The following SNX9 variants were observed in gnomAD, a reference collection of about 807,000 sequenced individuals.
SNX9 encodes sorting nexin 9.
A neutral mutation model predicts 89.4 loss-of-function variants in SNX9; 44 were observed. The ratio of observed to expected loss-of-function variants is 0.49; its 90% CI spans 0.39 to 0.63. The LOEUF (loss-of-function observed/expected upper bound fraction) is 0.63, where lower values mean the gene tolerates loss of function less well. Ranked by LOEUF, SNX9 falls within the 30% of genes least tolerant of loss-of-function variation. The probability of loss-of-function intolerance (pLI) is 0.00; values close to 1 mark genes in which losing one functional copy is unlikely to be tolerated. For missense variants in SNX9, 578 were observed against 736.1 expected (o/e 0.79, Z 2.49); for synonymous variants, 236 against 247.8 (o/e 0.95, Z 0.45).
intron 4 of SNX9, among the ~76,000 whole-genome samples, chr6:157,890,655 A>G (rs1352090867): frequency 5.3e-5 from 8 of 152,162 alleles, no homozygotes; most frequent in Admixed American, 5.2e-4. Context: ...TACTTAATTT[A>G]CAAAGCGTTT....
intron 4 of SNX9, among the ~76,000 whole-genome samples, chr6:157,891,345 G>A (rs551162376): frequency 7.8e-4 from 119 of 152,056 alleles, no homozygotes; most frequent in African/African-American, 2.7e-3. Context: ...CATTTTTTCT[G>A]TAGTCACATG....
rs757277859 is a variant in SNX9, at chr6:157,901,763, A to G, written c.473-135A>G. On this transcript the variant is annotated intron_variant, in intron 5 of 17. Coordinates refer to ENST00000392185, the MANE Select transcript of SNX9 (RefSeq NM_016224.5). The stretch of plus-strand genomic sequence containing the variant: ...CTCTTAACATCCATATTATACTCCT[A>G]TACTATACCCTTTTCTCCATCAAAA... 218 of 961,470 alleles carry G rather than the reference A, an allele frequency of 2.3e-4. 1 individual carries two copies. The highest frequency in any genetic ancestry group is 3.1e-4 in the Non-Finnish European group (203 of 661,574). The allele number at this position is 961,470 out of a possible 1,614,324, so 59.6% of individuals were successfully genotyped here. A position where few individuals can be genotyped will look rare whatever the true frequency, so the allele number is the denominator to read the frequency against.
At chr6:157,854,472 G>C (rs903964028) in intron 1 of SNX9, among the ~76,000 whole-genome samples, 1 of 152,218 alleles carries the variant, frequency 6.6e-6, no homozygotes, top group African/African-American at 2.4e-5. Flanking sequence ...GAAATGTTAA[G>C]AGTATGTAAG....
chr6:157,941,054 T>C, intron 17 of SNX9, 80 bp downstream of exon 17: 1 of 1,247,794 alleles, frequency 8.0e-7, no homozygotes. Flanking sequence ...GTAAAGTTAA[T>C]CTGTTTGTAT....
chr6:157,928,694 G>A lies in SNX9; in HGVS notation c.1280G>A (p.Cys427Tyr), dbSNP rs1334510021. The A allele has an allele frequency of 3.1e-6, 5 of 1,598,310 alleles. No homozygotes were observed. The African/African-American group carries it at 4.0e-5, about 13-fold the overall frequency. Residue 427 changes from cysteine to tyrosine, a missense_variant, in exon 12 of 18, where the codon TGC becomes TAC. Cys to Tyr is a radical substitution (Grantham distance 194). Around this residue, in one of 2 missense-constraint regions of SNX9, gnomAD observed 348 missense variants for 491.4 expected, o/e 0.71. Coordinates refer to ENST00000392185, the MANE Select transcript of SNX9 (RefSeq NM_016224.5). ...GTGGGGCAGGAGCACTGGAAGCGCTGCACGGGCCGTAAGTCCACTCCTCAC... is the reference window on the plus strand; with the variant it reads ...GTGGGGCAGGAGCACTGGAAGCGCTACACGGGCCGTAAGTCCACTCCTCAC... ...LTVGQEHWKR[C>Y]TGPLPKEYQK...
chr6:157,844,220 A>G (rs995622322), intron 1 of SNX9, among the ~76,000 whole-genome samples: 38 of 152,134 alleles, frequency 2.5e-4, no homozygotes, highest in African/African-American at 8.9e-4. Flanking sequence ...CGGAATTGCA[A>G]TAGAGAAAGA....
intron 4 of SNX9, among the ~76,000 whole-genome samples, chr6:157,880,567 C>T (rs1782603940): frequency 6.6e-6 from 1 of 152,164 alleles, no homozygotes; most frequent in South Asian, 2.1e-4. Context: ...CCTGACTTTC[C>T]TGTTTCTGTT....
At chr6:157,838,342 C>A (rs902245522) in intron 1 of SNX9, among the ~76,000 whole-genome samples, 2 of 151,774 alleles carry the variant, frequency 1.3e-5, no homozygotes, top group Non-Finnish European at 2.9e-5. Flanking sequence ...ATTCAACAGT[C>A]TCTCTCTAGA....
rs1413131189 is a variant in SNX9, at chr6:157,836,737, C to T, written c.12+13291C>T. On this transcript the variant is annotated intron_variant, in intron 1 of 17. Transcript: ENST00000392185. ...TCCCAAGTAGCTGGGACTACAGGCA[C>T]CCACTACCATGCCTGGCTAATTTTT... Among the ~76,000 whole-genome samples, 5 of 152,072 alleles carry T rather than the reference C, an allele frequency of 3.3e-5. No individual in the cohort carries two copies. In the East Asian group the frequency reaches 7.7e-4, roughly 23 times the overall value.
At chr6:157,874,895 C>T in intron 3 of SNX9, 156 bp from the exon 4 acceptor site, 1 of 629,744 alleles carries the variant, frequency 1.6e-6, no homozygotes, top group Non-Finnish European at 2.5e-6. Context: ...AAAATACAAC[C>T]CATTAAAATA....
At chr6:157,920,604 T>G (rs1012681423) in intron 9 of SNX9, among the ~76,000 whole-genome samples, 5 of 152,190 alleles carry the variant, frequency 3.3e-5, no homozygotes, top group Non-Finnish European at 5.9e-5. Context: ...TAAACACTTC[T>G]CAGGTGGCCA....
intron 1 of SNX9, chr6:157,829,525 T>G (rs1258700613): frequency 6.6e-6 from 1 of 152,228 alleles, no homozygotes; most frequent in Non-Finnish European, 1.5e-5. Context: ...CTGTGCTGTT[T>G]ATATGTATAT....
rs796441520 is a variant in SNX9, at chr6:157,927,287, T to C, written c.1184+73T>C. The C allele has an allele frequency of 4.2e-5, 45 of 1,069,616 alleles. No individual in the cohort carries two copies. In the Middle Eastern group the frequency reaches 7.4e-4, roughly 18 times the overall value. 66.3% of individuals were successfully genotyped at this position (1,069,616 alleles called of 1,614,324 possible). A position where few individuals can be genotyped will look rare whatever the true frequency, so the allele number is the denominator to read the frequency against. On this transcript the variant is annotated intron_variant, in intron 11 of 17. Transcript: ENST00000392185. The stretch of plus-strand genomic sequence containing the variant: ...CCTTTGGCCATCAGGCTTCAGCCAG[T>C]GTAGCCGCAGCCGAAACTCAAATCA...
chr6:157,868,870 C>T (rs563643965), intron 2 of SNX9, among the ~76,000 whole-genome samples: 3 of 152,324 alleles, frequency 2.0e-5, no homozygotes, highest in Admixed American at 6.5e-5. Flanking sequence ...TGGCTGATTT[C>T]GTGACACTGC....
intron 1 of SNX9, among the ~76,000 whole-genome samples, chr6:157,842,329 C>T (rs1781718566): frequency 6.6e-6 from 1 of 152,162 alleles, no homozygotes; most frequent in Non-Finnish European, 1.5e-5. Flanking sequence ...CATAATCTAA[C>T]AGTTAAAAAA....
intron 1 of SNX9, among the ~76,000 whole-genome samples, chr6:157,844,624 C>T (rs1781769350): frequency 7.8e-6 from 1 of 128,924 alleles, no homozygotes; most frequent in Non-Finnish European, 1.6e-5. Flanking sequence ...GACAGAGTCT[C>T]ACTCTGTTGC....
intron 5 of SNX9, among the ~76,000 whole-genome samples, chr6:157,899,904 T>TGTGTGTGTGTGC (rs565518115): frequency 3.3e-5 from 5 of 152,170 alleles, no homozygotes; most frequent in African/African-American, 1.2e-4. Context: ...TGTGTGTGTG[T>TGTGTGTGTGTGC]GCGCGTGTAT....
At position 157,823,425 on chromosome 6, in the gene SNX9, C is replaced by A; in HGVS notation, c.-10C>A. The A allele has an allele frequency of 8.0e-7, 1 of 1,248,680 alleles. No individual in the cohort carries two copies. Among genetic ancestry groups the A allele is most frequent in the Middle Eastern group, 3.2e-4 (1 of 3,094 alleles). 77.4% of individuals were successfully genotyped at this position (1,248,680 alleles called of 1,614,324 possible). On this transcript the variant is annotated 5_prime_UTR_variant, in exon 1 of 18. Coordinates refer to ENST00000392185, the MANE Select transcript of SNX9 (RefSeq NM_016224.5). This position sits in a 1 kb window ranked among gnomAD's most constrained non-coding sequence, Gnocchi z 4.6. Reference sequence around the variant, plus strand: ...GAGCCGGCCGTCCCGGGCCGGGGGACCCGCCCGCCATGGCCACCAAGGTGA... The same window carrying A: ...GAGCCGGCCGTCCCGGGCCGGGGGAACCGCCCGCCATGGCCACCAAGGTGA...
At chr6:157,830,364 CT>C (rs1781457639) in intron 1 of SNX9, 1 of 152,164 alleles carries the variant, frequency 6.6e-6, no homozygotes. Context: ...TGAAGGTATT[CT>C]TCCTTTGTTT....
Sources: allele counts gnomAD v4.1 joint callset (sites outside exome capture counted in the v4.1 genomes callset), GRCh38; gene constraint gnomAD v4.1.1; regional missense constraint gnomAD v4.1.1; non-coding constraint Gnocchi (gnomAD v3.1); transcripts MANE v1.5; gene names NCBI Gene and HGNC (gene_info 2026-07-23, HGNC 2026-07-21).